Variants in CYTIP observed in about 807,000 individuals in gnomAD.
The protein encoded by CYTIP is cytohesin 1 interacting protein, also known as cytohesin-interacting protein.
Under a neutral mutation model 43.8 loss-of-function variants are expected in CYTIP, and 26 were observed. That is an observed-to-expected ratio of 0.59 (90% CI 0.44 to 0.82). CYTIP has a LOEUF of 0.82. Ranked by LOEUF, CYTIP falls within the 40% of genes least tolerant of loss-of-function variation. CYTIP has a pLI of 0.00. For synonymous variants in CYTIP, 162 were observed against 162.9 expected (o/e 0.99, Z 0.04); for missense variants, 426 against 443.1 (o/e 0.96, Z 0.35).
intron 3 of CYTIP, among the ~76,000 whole-genome samples, chr2:157,431,379 G>T (rs1685712863): frequency 2.6e-5 from 4 of 152,210 alleles, no homozygotes; most frequent in Admixed American, 2.6e-4. Flanking sequence ...TACACATGCA[G>T]CAAGGAGACA....
chr2:157,415,113 C>T lies in CYTIP; in HGVS notation c.*564G>A, dbSNP rs1438931907. Reference sequence around the variant, plus strand: ...TGGTTCTCATGAACCTTAACCCCTCCTATTAAATCTTATACTTCCCGCTTT... The same window carrying T: ...TGGTTCTCATGAACCTTAACCCCTCTTATTAAATCTTATACTTCCCGCTTT... On this transcript the variant is annotated 3_prime_UTR_variant, in exon 8 of 8. Coordinates refer to ENST00000264192, the MANE Select transcript of CYTIP (RefSeq NM_004288.5). The T allele has an allele frequency of 3.3e-5, 5 of 153,102 alleles. No individual in the cohort carries two copies. The East Asian group carries it at 9.6e-4, about 29-fold the overall frequency. 9.5% of individuals were successfully genotyped at this position (153,102 alleles called of 1,614,324 possible).
At chr2:157,434,835 TCTCTCTCTCTCTCTCACACACA>T (rs1387562726) in intron 1 of CYTIP, 88 bp from the exon 2 acceptor site, 3 of 474,286 alleles carry the variant, frequency 6.3e-6, no homozygotes, top group Middle Eastern at 6.1e-4. Flanking sequence ...TCTCTCTCTC[TCTCTCTCTCTCTCTCACACACA>T]CACACACACA....
chr2:157,426,690 T>C lies in CYTIP; in HGVS notation c.546+661A>G, dbSNP rs75926392. Among the ~76,000 whole-genome samples the C allele has an allele frequency of 4.4e-3, 677 of 152,232 alleles. 20 individuals carry two copies. In the East Asian group the frequency reaches 0.049, roughly 11 times the overall value. On this transcript the variant is annotated intron_variant, in intron 6 of 7. Transcript: ENST00000264192. ...TCACTGAGACAAACAGAGAGGTCTT[T>C]AGAACTATGACTCAGATGCATGAGT...
intron 6 of CYTIP, among the ~76,000 whole-genome samples, chr2:157,422,498 GTC>G (rs1272847137): frequency 6.6e-6 from 1 of 151,894 alleles, no homozygotes; most frequent in African/African-American, 2.4e-5. Flanking sequence ...TGAAAATCCT[GTC>G]TCTACTAAAA....
At chr2:157,438,677 T>C (rs190832504) in intron 1 of CYTIP, among the ~76,000 whole-genome samples, 218 of 150,474 alleles carry the variant, frequency 1.4e-3, no homozygotes, top group Middle Eastern at 0.01. Context: ...ACTGAATAAG[T>C]ACAAATTTTA....
In CYTIP at chr2:157,441,419, AT is replaced by A. The variant is rs370684193; in HGVS notation, c.174+2427del. ...CATGTACAAGAAGTTTTGTTTTGCT[AT>A]TTTTTAAAGCAATTCTCACAACAGT... On this transcript the variant is annotated intron_variant, in intron 1 of 7. Coordinates refer to ENST00000264192, the MANE Select transcript of CYTIP (RefSeq NM_004288.5). 2.0e-4 allele frequency among the ~76,000 whole-genome samples: 30 copies of A among 152,304 alleles called. No homozygotes were observed. The South Asian group carries it at 4.3e-3, about 22-fold the overall frequency.
At chr2:157,427,201 G>A (rs926436143) in intron 6 of CYTIP, 150 bp downstream of exon 6, 14 of 631,780 alleles carry the variant, frequency 2.2e-5, no homozygotes, top group Non-Finnish European at 3.5e-5. Context: ...TCCTCCAAAG[G>A]TAATTGTGCG....
rs191797622 is a variant in CYTIP, at chr2:157,439,278, T to G, written c.175-4531A>C. On this transcript the variant is annotated intron_variant, in intron 1 of 7. Transcript: ENST00000264192. The stretch of plus-strand genomic sequence containing the variant: ...AACAATTTAAATAAATTAAGTACCG[T>G]CAAATTCTCTGACACGTGCCACGTC... 5.3e-3 allele frequency: 808 copies of G among 152,442 alleles called. 6 individuals are homozygous for G. Among genetic ancestry groups the G allele is most frequent in the Admixed American group, 6.9e-3 (106 of 15,298 alleles). The allele number at this position is 152,442 out of a possible 1,614,324, so 9.4% of individuals were successfully genotyped here. A position where few individuals can be genotyped will look rare whatever the true frequency, so the allele number is the denominator to read the frequency against.
chr2:157,424,575 C>T (rs1044336652), intron 6 of CYTIP, among the ~76,000 whole-genome samples: 2 of 151,958 alleles, frequency 1.3e-5, no homozygotes, highest in African/African-American at 4.8e-5. Context: ...CCTGTAATCC[C>T]AGGAATTCAG....
At chr2:157,418,442 G>T in intron 7 of CYTIP, 81 bp downstream of exon 7, 2 of 1,403,320 alleles carry the variant, frequency 1.4e-6, no homozygotes, top group Non-Finnish European at 2.0e-6. Context: ...TTATAATGAT[G>T]ATAATCTTAA....
At chr2:157,424,490 A>G (rs911955427) in intron 6 of CYTIP, among the ~76,000 whole-genome samples, 1 of 152,060 alleles carries the variant, frequency 6.6e-6, no homozygotes, top group Non-Finnish European at 1.5e-5. Flanking sequence ...AAAACAGAAT[A>G]CCATATGATG....
Position 157,418,572 on chromosome 2 carries a change from T to C in CYTIP, c.564A>G (p.Lys188=). 2 of 1,572,346 alleles carry C rather than the reference T, an allele frequency of 1.3e-6. No homozygotes were observed. Among genetic ancestry groups the C allele is most frequent in the Admixed American group, 1.8e-5 (1 of 54,602 alleles). ...ACTGCAGAGATCTGTACTCCACCCA[T>C]TTTTGTTTCAAAGTTTGCTGTGAGA... ...LQVLKQTLKQ[K]WVEYRSLQLQ... Residue 188 remains lysine (K), a synonymous_variant, in exon 7 of 8, where the codon AAA becomes AAG. Coordinates refer to ENST00000264192, the MANE Select transcript of CYTIP (RefSeq NM_004288.5).
At chr2:157,426,526 C>A (rs1177808087) in intron 6 of CYTIP, among the ~76,000 whole-genome samples, 1 of 152,182 alleles carries the variant, frequency 6.6e-6, no homozygotes, top group Admixed American at 6.5e-5. Context: ...TTAATAAGCT[C>A]ATATTTCATG....
Position 157,416,080 on chromosome 2 carries a change from G to A in CYTIP, c.677C>T (p.Pro226Leu). Reference sequence around the variant, plus strand: ...AAGGGCTGGGCCTGGCCCAGGCAGGGGTCCAAACAAAGACAATTCATCCAA... The same window carrying A: ...AAGGGCTGGGCCTGGCCCAGGCAGGAGTCCAAACAAAGACAATTCATCCAA... ...MDLDELSLFG[P>L]LPGPGPALVD... Residue 226 changes from proline (P) to leucine (L), a missense_variant, in exon 8 of 8, where the codon CCC becomes CTC. By Grantham distance (98) the Pro-to-Leu change is moderately conservative (BLOSUM62 -3). Transcript: ENST00000264192. 6.2e-7 allele frequency: 1 copy of A among 1,614,036 alleles called. No homozygotes were observed. The highest frequency in any genetic ancestry group is 1.1e-5 in the South Asian group (1 of 91,072).
intron 3 of CYTIP, 107 bp from the exon 4 acceptor site, chr2:157,431,069 C>G (rs1685708089): frequency 1.2e-6 from 1 of 826,508 alleles, no homozygotes; most frequent in Non-Finnish European, 1.8e-6. Context: ...TAGGTAAGTT[C>G]AAAGGACAAA....
At chr2:157,437,263 A>T (rs1380907351) in intron 1 of CYTIP, among the ~76,000 whole-genome samples, 2 of 152,188 alleles carry the variant, frequency 1.3e-5, no homozygotes, top group Admixed American at 6.5e-5. Context: ...CAATTAACAG[A>T]GTGAAAAGAC....
At chr2:157,436,576 G>C (rs1429106711) in intron 1 of CYTIP, among the ~76,000 whole-genome samples, 1 of 151,478 alleles carries the variant, frequency 6.6e-6, no homozygotes, top group Non-Finnish European at 1.5e-5. Flanking sequence ...TATCCATATA[G>C]AGAGAGCTAT....
rs556501520 is a variant in CYTIP at position 157,427,479 on chromosome 2, G to C, written c.477-59C>G. 1.1e-5 allele frequency: 13 copies of C among 1,237,952 alleles called. No homozygotes were observed. In the South Asian group the frequency reaches 1.7e-4, roughly 17 times the overall value. 76.7% of individuals were successfully genotyped at this position (1,237,952 alleles called of 1,614,324 possible). A position where few individuals can be genotyped will look rare whatever the true frequency, so the allele number is the denominator to read the frequency against. On this transcript the variant is annotated intron_variant, in intron 5 of 7. Coordinates refer to ENST00000264192, the MANE Select transcript of CYTIP (RefSeq NM_004288.5). ...GGGGAGTGAGTAACATGAGTGATTC[G>C]TTTAAATAAGTACCATACTACAGAG...
chr2:157,434,843 TCTCTCTCACACACA>T lies in CYTIP; in HGVS notation c.175-110_175-97del, dbSNP rs796639696. 29 of 377,060 alleles carry T rather than the reference TCTCTCTCACACACA, an allele frequency of 7.7e-5. No individual in the cohort carries two copies. In the African/African-American group the frequency reaches 9.9e-4, roughly 13 times the overall value. 23.4% of individuals were successfully genotyped at this position (377,060 alleles called of 1,614,324 possible). ...CTCTCTCTCTCTCTCTCTCTCTCTC[TCTCTCTCACACACA>T]CACACACACACACACACACACACAC... On this transcript the variant is annotated intron_variant, in intron 1 of 7. Transcript: ENST00000264192.
Sources: allele counts gnomAD v4.1 joint callset (sites outside exome capture counted in the v4.1 genomes callset), GRCh38; gene constraint gnomAD v4.1.1; transcripts MANE v1.5; gene names NCBI Gene and HGNC (gene_info 2026-07-23, HGNC 2026-07-21).